Variants in DNMBP observed in about 807,000 individuals in gnomAD.
DNMBP encodes dynamin-binding protein.
A neutral mutation model predicts 150.0 loss-of-function variants in DNMBP; 87 were observed. That is an observed-to-expected ratio of 0.58 (90% CI 0.49 to 0.69). The LOEUF is 0.69. DNMBP is among the 30% of genes least tolerant of loss of function. The pLI is 0.00. For missense variants in DNMBP, 1,774 were observed against 1,949.0 expected, an observed-to-expected ratio of 0.91 and a Z score of 1.69; for synonymous variants, 711 against 750.4, an observed-to-expected ratio of 0.95 and a Z score of 0.86.
intron 4 of DNMBP, among the ~76,000 whole-genome samples, chr10:99,946,030 C>T (rs1460613567): frequency 6.6e-6 from 1 of 152,178 alleles, no homozygotes; most frequent in African/African-American, 2.4e-5. Flanking sequence ...GATCTTGGCT[C>T]ACTGCAACCT....
chr10:99,951,819 T>A (rs191117371), intron 4 of DNMBP, among the ~76,000 whole-genome samples: 64 of 152,300 alleles, frequency 4.2e-4, no homozygotes, highest in African/African-American at 1.3e-3. Context: ...CGTCGAACTG[T>A]GGACTTTTGA....
In DNMBP at chr10:99,956,047, A is replaced by G. The variant is rs141366327; in HGVS notation, c.1427T>C (p.Leu476Pro). 9 of 1,614,060 alleles carry G rather than the reference A, an allele frequency of 5.6e-6. No individual in the cohort carries two copies. The African/African-American group carries it at 1.1e-4, about 19-fold the overall frequency. The change falls in exon 4 of 17, where the codon CTC (leucine) becomes CCC (proline). Residue 476 changes from leucine (L) to proline (P), a missense_variant. By Grantham distance (98) the Leu-to-Pro change is moderately conservative. This residue lies in a region of DNMBP where 1,430 missense variants were observed against 1,492.5 expected (regional missense o/e 0.96). Coordinates refer to ENST00000324109, the MANE Select transcript of DNMBP (RefSeq NM_015221.4). ...SQLKTLQKPVLPLYRGSSVSA... is the reference protein window; with the variant it reads ...SQLKTLQKPVPPLYRGSSVSA... ...AACAGAAGAGCCCCTGTAAAGAGGGAGCACTGGCTTCTGAAGAGTTTTTAG... is the reference window on the plus strand; with the variant it reads ...AACAGAAGAGCCCCTGTAAAGAGGGGGCACTGGCTTCTGAAGAGTTTTTAG...
At chr10:99,891,857 C>T (rs1329126160) in intron 11 of DNMBP, among the ~76,000 whole-genome samples, 3 of 151,402 alleles carry the variant, frequency 2.0e-5, no homozygotes, top group African/African-American at 4.9e-5. Context: ...CGCCTCTGCC[C>T]GGCCACGACC....
In DNMBP at chr10:99,956,919, C is replaced by T; in HGVS notation, c.555G>A (p.Gly185=). Reference sequence around the variant, plus strand: ...AAATGCCTCTTCGGCCCTCTAACTCCCCTTCAAACCAGCCTGGTTCAGGAA... The same window carrying T: ...AAATGCCTCTTCGGCCCTCTAACTCTCCTTCAAACCAGCCTGGTTCAGGAA... The part of the protein sequence containing the change: ...IGVPEPGWFE[G]ELEGRRGIFP... The change falls in exon 4 of 17, where the codon GGG becomes GGA. Residue 185 remains glycine, a synonymous_variant. Coordinates refer to ENST00000324109, the MANE Select transcript of DNMBP (RefSeq NM_015221.4). 1 of 1,614,246 alleles carries T rather than the reference C, an allele frequency of 6.2e-7. No homozygotes were observed. Among genetic ancestry groups the T allele is most frequent in the South Asian group, 1.1e-5 (1 of 91,088 alleles).
chr10:99,989,458 C>G (rs1564755690), intron 1 of DNMBP, among the ~76,000 whole-genome samples: 1 of 152,212 alleles, frequency 6.6e-6, no homozygotes, highest in Non-Finnish European at 1.5e-5. Context: ...CGCCTGTAAT[C>G]CCAGCACTTT....
intron 1 of DNMBP, among the ~76,000 whole-genome samples, chr10:99,985,637 A>G (rs184734478): frequency 4.6e-5 from 7 of 152,334 alleles, no homozygotes; most frequent in Admixed American, 4.6e-4. Flanking sequence ...CATTTAAAAA[A>G]TCTCAAGTCC....
chr10:99,989,380 G>C (rs978996760), intron 1 of DNMBP, among the ~76,000 whole-genome samples: 2 of 152,274 alleles, frequency 1.3e-5, no homozygotes, highest in East Asian at 3.9e-4. Context: ...GAAAGCCCCT[G>C]GCTCTTTAGC....
chr10:99,880,506 TGA>T (rs2039350702), intron 15 of DNMBP, 145 bp from the exon 16 acceptor site: 2 of 1,140,038 alleles, frequency 1.8e-6, no homozygotes, highest in South Asian at 1.8e-5. Context: ...AGGCCAATAG[TGA>T]GAGACACAAA....
In DNMBP at chr10:99,888,872, A is replaced by G. The variant is rs944584217; in HGVS notation, c.3238T>C (p.Phe1080Leu). 6.2e-7 allele frequency: 1 copy of G among 1,614,010 alleles called. No homozygotes were observed. The highest frequency in any genetic ancestry group is 1.3e-5 in the African/African-American group (1 of 74,994). The change falls in exon 12 of 17, where the codon TTT becomes CTT. Residue 1080 changes from phenylalanine to leucine, a missense_variant. Coordinates refer to ENST00000324109, the MANE Select transcript of DNMBP (RefSeq NM_015221.4). ...MERGHRDLEQ[F>L]ERVHRYISDQ... Reference sequence around the variant, plus strand: ...CTGATGTAGCGATGCACCCTCTCAAACTGCTCCAGGTCCCGGTGTCCTCTC... The same window carrying G: ...CTGATGTAGCGATGCACCCTCTCAAGCTGCTCCAGGTCCCGGTGTCCTCTC...
At chr10:99,941,626 G>A (rs1447832602) in intron 4 of DNMBP, among the ~76,000 whole-genome samples, 4 of 152,032 alleles carry the variant, frequency 2.6e-5, no homozygotes, top group Non-Finnish European at 5.9e-5. Context: ...GTGCCACCAT[G>A]CCCGGCTAAT....
At position 99,986,594 on chromosome 10, in the gene DNMBP, CAAAAAAAAAA is replaced by C. The variant is rs747726572; in HGVS notation, c.-10-14470_-10-14461del. 6.1e-3 allele frequency among the ~76,000 whole-genome samples: 454 copies of C among 74,164 alleles called. 8 individuals carry two copies. Among genetic ancestry groups the C allele is most frequent in the African/African-American group, 0.02 (406 of 20,740 alleles). 48.7% of individuals were successfully genotyped at this position (74,164 alleles called of 152,430 possible). A position where few individuals can be genotyped will look rare whatever the true frequency, so the allele number is the denominator to read the frequency against. On this transcript the variant is annotated intron_variant, in intron 1 of 16. Coordinates refer to ENST00000324109, the MANE Select transcript of DNMBP (RefSeq NM_015221.4). Reference sequence around the variant, plus strand: ...TGGGAGACAGAGCAAGACTCCGTCTCAAAAAAAAAAAAAAAAAAAAAAAAAAAAAAACCTG... The same window carrying C: ...TGGGAGACAGAGCAAGACTCCGTCTCAAAAAAAAAAAAAAAAAAAAACCTG...
chr10:99,907,510 C>T (rs1038147687), intron 6 of DNMBP, among the ~76,000 whole-genome samples: 3 of 151,818 alleles, frequency 2.0e-5, no homozygotes, highest in Admixed American at 6.6e-5. Flanking sequence ...TCAAGCAATC[C>T]TCCAACCTTG....
At chr10:99,993,381 T>G (rs145872691) in intron 1 of DNMBP, among the ~76,000 whole-genome samples, 14 of 152,344 alleles carry the variant, frequency 9.2e-5, no homozygotes, top group African/African-American at 3.4e-4. Context: ...TGTACAACTT[T>G]GTGGATATAC....
intron 4 of DNMBP, chr10:99,930,222 T>C (rs2040134109): frequency 1.4e-6 from 1 of 702,896 alleles, no homozygotes; most frequent in Non-Finnish European, 2.6e-6. Flanking sequence ...AACATTCTCA[T>C]GGTCTATATA....
chr10:99,960,871 G>A (rs1230915764), intron 3 of DNMBP, among the ~76,000 whole-genome samples: 10 of 130,936 alleles, frequency 7.6e-5, no homozygotes, highest in African/African-American at 1.7e-4. Flanking sequence ...TCAGCTACTC[G>A]TGAGGCTGAG....
intron 4 of DNMBP, among the ~76,000 whole-genome samples, chr10:99,928,891 C>A (rs1457110529): frequency 6.6e-6 from 1 of 152,086 alleles, no homozygotes; most frequent in East Asian, 1.9e-4. Context: ...CACTTGTAAT[C>A]CCAGTACTTT....
At chr10:99,946,252 C>T (rs2040356282) in intron 4 of DNMBP, among the ~76,000 whole-genome samples, 1 of 152,218 alleles carries the variant, frequency 6.6e-6, no homozygotes, top group Non-Finnish European at 1.5e-5. Flanking sequence ...GCCACTGAGC[C>T]CAGCTCCAGA....
chr10:99,942,609 T>TC (rs1271238362), intron 4 of DNMBP, among the ~76,000 whole-genome samples: 3 of 152,198 alleles, frequency 2.0e-5, no homozygotes, highest in African/African-American at 7.2e-5. Context: ...TCCAGCTTCT[T>TC]CACCCTGTGC....
At chr10:99,983,582 A>C (rs998653980) in intron 1 of DNMBP, among the ~76,000 whole-genome samples, 3 of 152,212 alleles carry the variant, frequency 2.0e-5, no homozygotes, top group African/African-American at 7.2e-5. Flanking sequence ...CAGCATCCCC[A>C]CATGGCTGAG....
Sources: gnomAD v4.1 joint callset for allele counts (sites outside exome capture counted in the v4.1 genomes callset) on GRCh38, gnomAD v4.1.1 for gene constraint, gnomAD v4.1.1 regional missense constraint, MANE v1.5 for transcripts, NCBI Gene and HGNC (gene_info 2026-07-23, HGNC 2026-07-21) for gene names.